PID1: variants seen among roughly 807,000 people sequenced by gnomAD.
PID1 encodes phosphotyrosine interaction domain containing 1.
Under a neutral mutation model 19.1 loss-of-function variants are expected in PID1, and 10 were observed. That is an observed-to-expected ratio of 0.52 (90% CI 0.32 to 0.89). The LOEUF is 0.89. Ranked by LOEUF, PID1 falls within the 40% of genes least tolerant of loss-of-function variation. The pLI, the probability that PID1 is intolerant of heterozygous loss-of-function variation, is 0.03. For missense variants in PID1, 248 were observed against 285.3 expected, an observed-to-expected ratio of 0.87 and a Z score of 0.94; for synonymous variants, 130 against 116.0, an observed-to-expected ratio of 1.12 and a Z score of -0.78.
chr2:229,191,282 A>G lies in PID1; in HGVS notation c.31-35318T>C, dbSNP rs1411123800. ...CGATGGAGAACAAGTGGGCTAAAGG[A>G]AAGTGTTCACAGGTATCAAATGAAG... is the stretch of plus-strand genomic sequence containing the variant. On this transcript the variant is annotated intron_variant, in intron 1 of 2. Coordinates refer to ENST00000392055, the MANE Select transcript of PID1 (RefSeq NM_001100818.2). Among the ~76,000 whole-genome samples, 6 of 152,184 alleles carry G rather than the reference A, an allele frequency of 3.9e-5. No individual in the cohort carries two copies. In the East Asian group the frequency reaches 1.2e-3, roughly 29 times the overall value.
At chr2:229,039,786 A>T (rs1033039184) in intron 2 of PID1, among the ~76,000 whole-genome samples, 1 of 152,198 alleles carries the variant, frequency 6.6e-6, no homozygotes, top group Non-Finnish European at 1.5e-5. Flanking sequence ...ACAGACACTC[A>T]TATATTGATG....
At chr2:229,190,858 C>A (rs1691245973) in intron 1 of PID1, among the ~76,000 whole-genome samples, 1 of 152,210 alleles carries the variant, frequency 6.6e-6, no homozygotes. Context: ...GCACTCTCAA[C>A]AGGGACCACA....
chr2:229,049,713 C>G (rs1474234392), intron 2 of PID1, among the ~76,000 whole-genome samples: 1 of 152,158 alleles, frequency 6.6e-6, no homozygotes, highest in Non-Finnish European at 1.5e-5. Flanking sequence ...TCTTTGCACT[C>G]AGAAGACCAT....
At chr2:229,050,712 A>C (rs140681421) in intron 2 of PID1, among the ~76,000 whole-genome samples, 11 of 152,226 alleles carry the variant, frequency 7.2e-5, no homozygotes, top group African/African-American at 2.6e-4. Context: ...CTGGTCACTG[A>C]GTGTCCCATC....
chr2:229,046,252 T>C (rs1335630271), intron 2 of PID1, among the ~76,000 whole-genome samples: 1 of 152,128 alleles, frequency 6.6e-6, no homozygotes, highest in Non-Finnish European at 1.5e-5. Flanking sequence ...TACGCAGACA[T>C]ACACATATAA....
At chr2:229,050,395 C>T (rs1693969780) in intron 2 of PID1, among the ~76,000 whole-genome samples, 1 of 152,336 alleles carries the variant, frequency 6.6e-6, no homozygotes, top group African/African-American at 2.4e-5. Flanking sequence ...CTCAGGACTG[C>T]TGCAGCAGCA....
chr2:229,070,558 G>A (rs988851323), intron 2 of PID1, among the ~76,000 whole-genome samples: 8 of 152,132 alleles, frequency 5.3e-5, no homozygotes, highest in African/African-American at 1.2e-4. Flanking sequence ...TGGCCCCTCC[G>A]AAGGAAGAAG....
At chr2:229,058,532 A>G (rs893221253) in intron 2 of PID1, among the ~76,000 whole-genome samples, 1 of 152,216 alleles carries the variant, frequency 6.6e-6, no homozygotes, top group African/African-American at 2.4e-5. Context: ...CCCTGCTGGC[A>G]TGCATCATAT....
chr2:229,247,520 T>C (rs1054087285), intron 1 of PID1, among the ~76,000 whole-genome samples: 8 of 152,186 alleles, frequency 5.3e-5, no homozygotes, highest in Non-Finnish European at 1.2e-4. Context: ...AAACATCTCA[T>C]AACTAGTGCA....
At chr2:229,163,452 C>T (rs1690528747) in intron 1 of PID1, among the ~76,000 whole-genome samples, 2 of 152,264 alleles carry the variant, frequency 1.3e-5, no homozygotes, top group Admixed American at 6.5e-5. Context: ...ACTGAAAATA[C>T]TCATGTTCAC....
chr2:229,191,913 T>G (rs997537869), intron 1 of PID1, among the ~76,000 whole-genome samples: 1 of 152,214 alleles, frequency 6.6e-6, no homozygotes, highest in Non-Finnish European at 1.5e-5. Flanking sequence ...AATATTTACA[T>G]GTTAAATGCT....
chr2:229,064,537 C>T (rs912728113), intron 2 of PID1, among the ~76,000 whole-genome samples: 2 of 152,092 alleles, frequency 1.3e-5, no homozygotes, highest in African/African-American at 4.8e-5. Context: ...AAGCATTGAA[C>T]TTTCTTTTGA....
At chr2:229,067,686 G>A (rs74852748) in intron 2 of PID1, among the ~76,000 whole-genome samples, 3,815 of 152,144 alleles carry the variant, frequency 0.025, 134 homozygotes, top group African/African-American at 0.083. Context: ...TGCCTCCCCC[G>A]ATAGGATAAT....
intron 2 of PID1, among the ~76,000 whole-genome samples, chr2:229,085,736 T>C (rs2106214497): frequency 6.6e-6 from 1 of 152,254 alleles, no homozygotes; most frequent in East Asian, 1.9e-4. Flanking sequence ...AACTAGTCAA[T>C]TAAGTATATG....
intron 1 of PID1, among the ~76,000 whole-genome samples, chr2:229,254,934 C>T (rs917315694): frequency 2.0e-5 from 3 of 152,192 alleles, no homozygotes; most frequent in Admixed American, 1.3e-4. Context: ...GCAGCAGAAA[C>T]TATTTCAGAT....
rs573791217 is a variant in PID1, at chr2:229,095,411, G to C, written c.177+60407C>G. ...GGAAAATTGCCCATTTTGCATTTTC[G>C]GACAAAGGCTACAGGGCCTCATTTT... On this transcript the variant is annotated intron_variant, in intron 2 of 2. Coordinates refer to ENST00000392055, the MANE Select transcript of PID1 (RefSeq NM_001100818.2). Among the ~76,000 whole-genome samples the C allele has an allele frequency of 1.7e-4, 26 of 152,096 alleles. No homozygotes were observed. In the South Asian group the frequency reaches 5.2e-3, roughly 30 times the overall value.
chr2:229,205,177 T>G (rs1691582456), intron 1 of PID1, among the ~76,000 whole-genome samples: 1 of 151,926 alleles, frequency 6.6e-6, no homozygotes, highest in South Asian at 2.1e-4. Context: ...TCCTAAACAT[T>G]TATACAGCCA....
chr2:229,066,285 TCA>T (rs1490287106), intron 2 of PID1, among the ~76,000 whole-genome samples: 1 of 152,114 alleles, frequency 6.6e-6, no homozygotes, highest in Non-Finnish European at 1.5e-5. Flanking sequence ...TTCAAAGACC[TCA>T]CAGTCTAGTC....
At chr2:229,051,590 G>A (rs562053941) in intron 2 of PID1, among the ~76,000 whole-genome samples, 38 of 152,132 alleles carry the variant, frequency 2.5e-4, no homozygotes, top group Admixed American at 2.2e-3. Context: ...TGCTTGCCTC[G>A]GCCTCCCAAA....
Sources: gnomAD v4.1 joint callset for allele counts (sites outside exome capture counted in the v4.1 genomes callset) on GRCh38, gnomAD v4.1.1 for gene constraint, MANE v1.5 for transcripts, NCBI Gene and HGNC (gene_info 2026-07-23, HGNC 2026-07-21) for gene names.